The following ROBO2 variants were observed in gnomAD, a reference collection of about 807,000 sequenced individuals.
The protein encoded by ROBO2 is roundabout guidance receptor 2.
A neutral mutation model predicts 160.8 loss-of-function variants in ROBO2; 53 were observed. That is an observed-to-expected ratio of 0.33 (90% CI 0.26 to 0.41). ROBO2 has a LOEUF of 0.41. Among genes scored for constraint, ROBO2 ranks in the 10% least tolerant of loss-of-function variants. ROBO2 has a pLI of 1.00. For missense variants in ROBO2, 1,577 were observed against 1,722.4 expected (o/e 0.92, Z 1.49); for synonymous variants, 664 against 611.7 (o/e 1.09, Z -1.26).
At position 75,931,241 on chromosome 3, in the gene ROBO2, G is replaced by A. The variant is rs1304184873; in HGVS notation, c.-13-6240G>A. On this transcript the variant is annotated intron_variant, in intron 1 of 26. Coordinates refer to the ROBO2 transcript ENST00000487694. ...CACTGTGGGTTTTTTCTTAAAAGAC[G>A]AACCTTTCTGTATTGTATGAAAAGC... Among the ~76,000 whole-genome samples, 7 of 152,272 alleles carry A rather than the reference G, an allele frequency of 4.6e-5. No homozygotes were observed. In the East Asian group the frequency reaches 7.7e-4, roughly 17 times the overall value.
chr3:76,309,589 C>T (rs934494942), intron 2 of ROBO2, among the ~76,000 whole-genome samples: 18 of 152,140 alleles, frequency 1.2e-4, no homozygotes, highest in East Asian at 5.8e-4. Flanking sequence ...GATTTGAAAG[C>T]GGTAATTTGT....
intron 2 of ROBO2, among the ~76,000 whole-genome samples, chr3:76,295,254 C>A (rs1424771022): frequency 6.6e-6 from 1 of 151,954 alleles, no homozygotes; most frequent in Non-Finnish European, 1.5e-5. Flanking sequence ...TGGGTGGATT[C>A]TTTTTGTCCT....
chr3:76,045,647 T>C (rs2067423546), intron 2 of ROBO2, among the ~76,000 whole-genome samples: 1 of 152,110 alleles, frequency 6.6e-6, no homozygotes, highest in Admixed American at 6.5e-5. Context: ...CTCTGTATCC[T>C]TTTGTACATT....
intron 2 of ROBO2, among the ~76,000 whole-genome samples, chr3:77,202,849 A>C (rs528327518): frequency 5.9e-5 from 9 of 152,212 alleles, no homozygotes; most frequent in African/African-American, 1.9e-4. Context: ...TCTCAAGATC[A>C]CATGACCAAG....
chr3:77,348,690 C>A lies in ROBO2; in HGVS notation c.389-128724C>A, dbSNP rs188977664. Among the ~76,000 whole-genome samples, 5 of 152,186 alleles carry A rather than the reference C, an allele frequency of 3.3e-5. No homozygotes were observed. The East Asian group carries it at 9.7e-4, about 29-fold the overall frequency. On this transcript the variant is annotated intron_variant, in intron 2 of 25. Coordinates refer to ENST00000461745, the Ensembl canonical transcript of ROBO2. ...ATTGCGTTCATTTCCTTTGCCACTG[C>A]CTAAAGTCAAGCAAGCACTATCTGT...
chr3:77,432,570 T>G (rs1422351397), intron 2 of ROBO2, among the ~76,000 whole-genome samples: 1 of 152,044 alleles, frequency 6.6e-6, no homozygotes, highest in Non-Finnish European at 1.5e-5. Context: ...ATAAGTAATG[T>G]TTTTATTGGT....
chr3:76,449,150 A>G (rs2077347014), intron 2 of ROBO2, among the ~76,000 whole-genome samples: 1 of 152,128 alleles, frequency 6.6e-6, no homozygotes, highest in Non-Finnish European at 1.5e-5. Flanking sequence ...CCTTAATAGA[A>G]AAAATGTTTT....
intron 2 of ROBO2, among the ~76,000 whole-genome samples, chr3:75,996,587 C>T (rs1433370229): frequency 6.6e-6 from 1 of 152,122 alleles, no homozygotes; most frequent in Non-Finnish European, 1.5e-5. Flanking sequence ...TAGGACTTTC[C>T]TTATCTACAT....
At chr3:76,750,868 G>A (rs1233519999) in intron 2 of ROBO2, among the ~76,000 whole-genome samples, 1 of 152,032 alleles carries the variant, frequency 6.6e-6, no homozygotes, top group African/African-American at 2.4e-5. Context: ...TGGCCATACT[G>A]CCAAAGGTAA....
chr3:76,177,585 G>A (rs1468728888), intron 2 of ROBO2, among the ~76,000 whole-genome samples: 2 of 152,084 alleles, frequency 1.3e-5, no homozygotes, highest in Non-Finnish European at 1.5e-5. Flanking sequence ...CCTTCTTAAT[G>A]TTCTTTTCTA....
upstream of ROBO2, among the ~76,000 whole-genome samples, chr3:77,036,494 A>G (rs1019860564): frequency 6.6e-6 from 1 of 152,072 alleles, no homozygotes; most frequent in Admixed American, 6.5e-5. Context: ...GATTTCCTTC[A>G]TATGGTTATT....
At chr3:77,443,896 CT>C (rs1201765533) in intron 2 of ROBO2, among the ~76,000 whole-genome samples, 4 of 152,090 alleles carry the variant, frequency 2.6e-5, no homozygotes, top group Admixed American at 6.5e-5. Flanking sequence ...CAAATCTGAA[CT>C]TTTTTTCTTG....
At chr3:77,135,320 T>C (rs1324999296) in intron 2 of ROBO2, among the ~76,000 whole-genome samples, 3 of 152,208 alleles carry the variant, frequency 2.0e-5, no homozygotes, top group Admixed American at 6.6e-5. Flanking sequence ...CCTAAAGTTA[T>C]TTGGAGTCTG....
At chr3:77,626,015 T>C (rs1040021918) in intron 23 of ROBO2, among the ~76,000 whole-genome samples, 2 of 152,138 alleles carry the variant, frequency 1.3e-5, no homozygotes, top group Non-Finnish European at 2.9e-5. Context: ...AAGAAGAATG[T>C]TCAAAATCAA....
chr3:76,130,530 A>G (rs532931116), intron 2 of ROBO2, among the ~76,000 whole-genome samples: 2 of 152,220 alleles, frequency 1.3e-5, no homozygotes, highest in Non-Finnish European at 2.9e-5. Flanking sequence ...ACTCACACAC[A>G]TATCACTGAT....
chr3:76,055,195 C>A (rs1431724286), intron 2 of ROBO2, among the ~76,000 whole-genome samples: 1 of 152,050 alleles, frequency 6.6e-6, no homozygotes, highest in East Asian at 1.9e-4. Flanking sequence ...ATGGAAAAAA[C>A]CGCCTCCATG....
intron 2 of ROBO2, among the ~76,000 whole-genome samples, chr3:76,508,953 T>C (rs1468934845): frequency 6.6e-6 from 1 of 152,206 alleles, no homozygotes; most frequent in African/African-American, 2.4e-5. Flanking sequence ...GATCCTTTTT[T>C]ATATTATACA....
At chr3:76,939,828 T>A (rs2078038948) in intron 2 of ROBO2, among the ~76,000 whole-genome samples, 1 of 152,114 alleles carries the variant, frequency 6.6e-6, no homozygotes, top group South Asian at 2.1e-4. Context: ...TCTCTTACCT[T>A]TATGCACCAC....
intron 2 of ROBO2, among the ~76,000 whole-genome samples, chr3:76,024,201 G>A (rs543891821): frequency 1.3e-5 from 2 of 151,440 alleles, no homozygotes; most frequent in Admixed American, 1.3e-4. Context: ...AATGAGCCAT[G>A]ACTGTTTTTC....
Sources: allele counts gnomAD v4.1 joint callset (sites outside exome capture counted in the v4.1 genomes callset), GRCh38; gene constraint gnomAD v4.1.1; transcripts MANE v1.5; gene names NCBI Gene and HGNC (gene_info 2026-07-23, HGNC 2026-07-21).